The following MYO15A variants were observed in gnomAD, a reference collection of about 807,000 sequenced individuals.
The protein encoded by MYO15A is myosin XVA.
Under a neutral mutation model 394.6 loss-of-function variants are expected in MYO15A, and 308 were observed. The ratio of observed to expected loss-of-function variants is 0.78; its 90% confidence interval spans 0.71 to 0.86. MYO15A has a LOEUF of 0.86. Among genes scored for constraint, MYO15A ranks in the 40% least tolerant of loss-of-function variants. The pLI is 0.00. For missense variants in MYO15A, 4,606 were observed against 4,799.1 expected, an observed-to-expected ratio of 0.96 and a Z score of 1.19; for synonymous variants, 1,957 against 2,003.8, an observed-to-expected ratio of 0.98 and a Z score of 0.62.
chr17:18,138,213 G>T lies in MYO15A; in HGVS notation c.4974G>T (p.Leu1658=). ...NLISLKPYGI[L]RILDDQCCFP... is the part of the protein sequence containing the mutation. Reference sequence around the variant, plus strand: ...TCTCACTGAAGCCTTATGGCATCCTGCGGATCCTTGACGACCAGTGTTGCT... The same window carrying T: ...TCTCACTGAAGCCTTATGGCATCCTTCGGATCCTTGACGACCAGTGTTGCT... The change falls in exon 17 of 66, where the codon CTG becomes CTT. Residue 1658 remains leucine (L), a synonymous_variant. Coordinates refer to ENST00000647165, the MANE Select transcript of MYO15A (RefSeq NM_016239.4). 6.2e-7 allele frequency: 1 copy of T among 1,613,548 alleles called. No homozygotes were observed. Among genetic ancestry groups the T allele is most frequent in the South Asian group, 1.1e-5 (1 of 91,078 alleles).
chr17:18,155,327 C>G lies in MYO15A; in HGVS notation c.8354C>G (p.Thr2785Ser), dbSNP rs774679988. ...TCTCTGCCCCAGGGCAGCGTGGGCA[C>G]TGGTGTGCAGCTCCTAGCTGTGTCC... Reference protein sequence around the residue: ...RIFPATGSVGTGVQLLAVSHV... With the variant: ...RIFPATGSVGSGVQLLAVSHV... Residue 2785 changes from threonine (T) to serine (S), a missense_variant, in exon 47 of 66, where the codon ACT (threonine) becomes AGT (serine). By Grantham distance (58) the Thr-to-Ser change is moderately conservative (BLOSUM62 1). This residue lies in a region of MYO15A where 2,776 missense variants were observed against 3,109.3 expected (regional missense o/e 0.89). Transcript: ENST00000647165. The G allele has an allele frequency of 1.8e-5, 29 of 1,613,826 alleles. No homozygotes were observed. Among genetic ancestry groups the G allele is most frequent in the Middle Eastern group, 3.3e-4 (2 of 6,062 alleles).
Position 18,151,858 on chromosome 17 carries a change from GA to G in MYO15A, c.7803del (p.Val2602CysfsTer3). The G allele has an allele frequency of 1.3e-6, 2 of 1,577,010 alleles. No individual in the cohort carries two copies. Among genetic ancestry groups the G allele is most frequent in the Non-Finnish European group, 1.7e-6 (2 of 1,161,352 alleles). ...RPEALRKDGG[K>X]VFMKRPDPHE... ...CCAATGCCCACAGGAAGGATGGCGG[GA>G]AAGTGTTCATGAAGCGGCCAGACCC... On this transcript the variant is annotated frameshift_variant, in exon 41 of 66. Coordinates refer to ENST00000647165, the MANE Select transcript of MYO15A (RefSeq NM_016239.4). LOFTEE classifies it high-confidence loss of function.
At chr17:18,163,969 T>C (rs1046990173) in intron 60 of MYO15A, 131 bp downstream of exon 60, 3 of 863,436 alleles carry the variant, frequency 3.5e-6, no homozygotes, top group Middle Eastern at 5.5e-4. Flanking sequence ...TTGACCCCCA[T>C]GTGGAAGGAT....
intron 7 of MYO15A, among the ~76,000 whole-genome samples, chr17:18,129,322 A>G (rs1203195306): frequency 6.6e-6 from 1 of 152,182 alleles, no homozygotes; most frequent in Non-Finnish European, 1.5e-5. Flanking sequence ...TATGCTGGGC[A>G]CCGGGAACAG....
Position 18,121,554 on chromosome 17 carries a change from G to A in MYO15A, c.2754G>A (p.Thr918=), listed in dbSNP as rs778648293. ...CGCGAGAACCCGAGGACTCAGAGACGCCCTGGACTGTGCCCCCACTGGCCC... is the reference window on the plus strand; with the variant it reads ...CGCGAGAACCCGAGGACTCAGAGACACCCTGGACTGTGCCCCCACTGGCCC... ...ESPREPEDSE[T]PWTVPPLAPS... The change falls in exon 2 of 66, where the codon ACG becomes ACA. Residue 918 remains threonine, a synonymous_variant. Coordinates refer to ENST00000647165, the MANE Select transcript of MYO15A (RefSeq NM_016239.4). The surrounding 1 kb of genome is among the most constrained non-coding windows in gnomAD (Gnocchi z 5.3). The A allele has an allele frequency of 3.3e-5, 53 of 1,585,670 alleles. No homozygotes were observed. The highest frequency in any genetic ancestry group is 4.4e-5 in the Non-Finnish European group (51 of 1,166,680).
At position 18,155,320 on chromosome 17, in the gene MYO15A, G is replaced by T; in HGVS notation, c.8347G>T (p.Val2783Leu). 1 of 1,613,768 alleles carries T rather than the reference G, an allele frequency of 6.2e-7. No individual in the cohort carries two copies. Residue 2783 changes from valine to leucine, a missense_variant, in exon 47 of 66, where the codon GTG becomes TTG. Transcript: ENST00000647165. Reference protein sequence around the residue: ...FSRIFPATGSVGTGVQLLAVS... With the variant: ...FSRIFPATGSLGTGVQLLAVS... ...CCCTTCATCTCTGCCCCAGGGCAGC[G>T]TGGGCACTGGTGTGCAGCTCCTAGC... is the stretch of plus-strand genomic sequence containing the variant.
At position 18,137,642 on chromosome 17, in the gene MYO15A, A is replaced by G; in HGVS notation, c.4838A>G (p.Gln1613Arg). Residue 1613 changes from glutamine (Q) to arginine (R), a missense_variant, in exon 16 of 66, where the codon CAG (glutamine) becomes CGG (arginine). By Grantham distance (43) the Gln-to-Arg change is conservative. Coordinates refer to ENST00000647165, the MANE Select transcript of MYO15A (RefSeq NM_016239.4). ...ATTAACTACGCAAACGAGAACCTTC[A>G]GTACCTTTTCAACAAGATCGTCTTC... ...LCINYANENL[Q>R]YLFNKIVFQE... 1 of 1,614,236 alleles carries G rather than the reference A, an allele frequency of 6.2e-7. No individual in the cohort carries two copies. The highest frequency in any genetic ancestry group is 8.5e-7 in the Non-Finnish European group (1 of 1,180,044).
At chr17:18,156,614 G>A (rs955973857) in intron 48 of MYO15A, among the ~76,000 whole-genome samples, 1 of 152,214 alleles carries the variant, frequency 6.6e-6, no homozygotes, top group Non-Finnish European at 1.5e-5. Flanking sequence ...CCCGCCCACT[G>A]CATCACAATC....
At position 18,126,726 on chromosome 17, in the gene MYO15A, G is replaced by A. The variant is rs916396699; in HGVS notation, c.3867-65G>A. The A allele has an allele frequency of 1.6e-3, 2,505 of 1,549,878 alleles. 2 individuals are homozygous for A. Among genetic ancestry groups the A allele is most frequent in the Non-Finnish European group, 2.1e-3 (2,324 of 1,122,114 alleles). On this transcript the variant is annotated intron_variant, in intron 5 of 65. Transcript: ENST00000647165. Reference sequence around the variant, plus strand: ...GTTTGGCTGGATACGGATGCTCCCTGCCCAATCCCTGGGAGGTGTGGGAGC... The same window carrying A: ...GTTTGGCTGGATACGGATGCTCCCTACCCAATCCCTGGGAGGTGTGGGAGC...
chr17:18,145,441 C>T (rs916639606), intron 29 of MYO15A, among the ~76,000 whole-genome samples: 26 of 152,126 alleles, frequency 1.7e-4, no homozygotes, highest in Non-Finnish European at 5.9e-5. Flanking sequence ...AGGCCAAGCA[C>T]GGTGGCGCAC....
Position 18,149,254 on chromosome 17 carries a change from C to T in MYO15A, c.6995C>T (p.Ser2332Phe). The change falls in exon 34 of 66, where the codon TCC (serine) becomes TTC (phenylalanine). Residue 2332 changes from serine (S) to phenylalanine (F), a missense_variant. This residue lies in a region of MYO15A where 2,776 missense variants were observed against 3,109.3 expected (regional missense o/e 0.89). Transcript: ENST00000647165. ...AGCTGGGACTCGGATGAGGACATGT[C>T]CACTAGACCCCAGCCCCAGGAGCAC... ...GNSWDSDEDM[S>F]TRPQPQEHMP... The T allele has an allele frequency of 6.2e-7, 1 of 1,614,008 alleles. No individual in the cohort carries two copies. The highest frequency in any genetic ancestry group is 1.1e-5 in the South Asian group (1 of 91,068).
At chr17:18,163,878 A>G (rs759444404) in intron 60 of MYO15A, 40 bp downstream of exon 60, 4 of 1,592,838 alleles carry the variant, frequency 2.5e-6, no homozygotes, top group Non-Finnish European at 2.6e-6. Flanking sequence ...GCCCATTCCC[A>G]TCCCCGGGCC....
Position 18,119,987 on chromosome 17 carries a change from A to G in MYO15A, c.1187A>G (p.Glu396Gly). 1.2e-6 allele frequency: 2 copies of G among 1,613,600 alleles called. No individual in the cohort carries two copies. The highest frequency in any genetic ancestry group is 1.7e-6 in the Non-Finnish European group (2 of 1,179,992). Reference protein sequence around the residue: ...GGGDEAIYPPEVPYFYPEESA... With the variant: ...GGGDEAIYPPGVPYFYPEESA... ...GGGGACGAGGCCATCTACCCCCCCG[A>G]GGTGCCCTATTTTTACCCGGAGGAG... is the stretch of plus-strand genomic sequence containing the variant. Residue 396 changes from glutamate to glycine, a missense_variant, in exon 2 of 66, where the codon GAG becomes GGG. Physicochemically the swap from Glu to Gly is moderately conservative, Grantham distance 98. This residue lies in a region of MYO15A where 1,830 missense variants were observed against 1,689.7 expected (regional missense o/e 1.08). Transcript: ENST00000647165.
In MYO15A at chr17:18,137,668, C is replaced by T; in HGVS notation, c.4864C>T (p.Gln1622Ter). ...LQYLFNKIVFQEEQEEYIREQ... is the reference protein window; with the variant it reads ...LQYLFNKIVF ...GTACCTTTTCAACAAGATCGTCTTC[C>T]AGGAGGAGCAGGTGTGTGGGCCCCA... Residue 1622 changes from glutamine to a stop codon, truncating the protein, a stop_gained, in exon 16 of 66, where the codon CAG becomes TAG. Coordinates refer to ENST00000647165, the MANE Select transcript of MYO15A (RefSeq NM_016239.4). LOFTEE classifies it high-confidence loss of function. 1 of 1,614,088 alleles carries T rather than the reference C, an allele frequency of 6.2e-7. No individual in the cohort carries two copies. The highest frequency in any genetic ancestry group is 8.5e-7 in the Non-Finnish European group (1 of 1,180,002).
In MYO15A at chr17:18,142,820, A is replaced by T; in HGVS notation, c.5890A>T (p.Ser1964Cys). Residue 1964 changes from serine to cysteine, a missense_variant, in exon 25 of 66, where the codon AGC becomes TGC. By Grantham distance (112) the Ser-to-Cys change is moderately radical. Around this residue, in one of 2 missense-constraint regions of MYO15A, gnomAD observed 2,776 missense variants for 3,109.3 expected, o/e 0.89. Transcript: ENST00000647165. ...CCGGTCCCTGGTACACGCATACGTGAGCCGCCGACGCTATCTCAAGGTATA... is the reference window on the plus strand; with the variant it reads ...CCGGTCCCTGGTACACGCATACGTGTGCCGCCGACGCTATCTCAAGGTATA... ...KFRSLVHAYV[S>C]RRRYLKLRAE... 1 of 1,612,966 alleles carries T rather than the reference A, an allele frequency of 6.2e-7. No homozygotes were observed. Among genetic ancestry groups the T allele is most frequent in the South Asian group, 1.1e-5 (1 of 90,826 alleles).
Position 18,151,156 on chromosome 17 carries a change from C to G in MYO15A, c.7520C>G (p.Pro2507Arg), listed in dbSNP as rs761551085. ...CAGCCGACGTCTGTAGGCACCGGTCCCCCTGCCAAACCCGTGCTCCTGCGT... is the reference window on the plus strand; with the variant it reads ...CAGCCGACGTCTGTAGGCACCGGTCGCCCTGCCAAACCCGTGCTCCTGCGT... ...EAQPTSVGTG[P>R]PAKPVLLRAT... The change falls in exon 39 of 66, where the codon CCC (proline) becomes CGC (arginine). Residue 2507 changes from proline to arginine, a missense_variant. Pro to Arg is a moderately radical substitution (Grantham distance 103). This residue lies in a region of MYO15A where 2,776 missense variants were observed against 3,109.3 expected (regional missense o/e 0.89). Coordinates refer to ENST00000647165, the MANE Select transcript of MYO15A (RefSeq NM_016239.4). 6.2e-7 allele frequency: 1 copy of G among 1,614,030 alleles called. No individual in the cohort carries two copies. The highest frequency in any genetic ancestry group is 1.1e-5 in the South Asian group (1 of 91,080).
intron 62 of MYO15A, among the ~76,000 whole-genome samples, chr17:18,170,788 CA>C (rs1224722707): frequency 6.6e-6 from 1 of 152,244 alleles, no homozygotes; most frequent in East Asian, 1.9e-4. Context: ...AGGGACTCTG[CA>C]TCTGCATTAT....
intron 65 of MYO15A, among the ~76,000 whole-genome samples, chr17:18,176,265 C>T (rs746684008): frequency 6.6e-6 from 1 of 152,122 alleles, no homozygotes; most frequent in Non-Finnish European, 1.5e-5. Context: ...AAGCGTGGCA[C>T]CAGCATCTGC....
At position 18,119,509 on chromosome 17, in the gene MYO15A, G is replaced by A. The variant is rs201737186; in HGVS notation, c.709G>A (p.Asp237Asn). 301 of 1,611,984 alleles carry A rather than the reference G, an allele frequency of 1.9e-4. No homozygotes were observed. The African/African-American group carries it at 3.5e-3, about 19-fold the overall frequency. The change falls in exon 2 of 66, where the codon GAC becomes AAC. Residue 237 changes from aspartate (D) to asparagine (N), a missense_variant. Coordinates refer to ENST00000647165, the MANE Select transcript of MYO15A (RefSeq NM_016239.4). Reference sequence around the variant, plus strand: ...CTTCCAGGACCTGGGCGAGTATTATGACTATCACCGCGACGGCGACGACTA... The same window carrying A: ...CTTCCAGGACCTGGGCGAGTATTATAACTATCACCGCGACGGCGACGACTA... Reference protein sequence around the residue: ...EGFQDLGEYYDYHRDGDDYYD... With the variant: ...EGFQDLGEYYNYHRDGDDYYD...
Sources: gnomAD v4.1 joint callset for allele counts (sites outside exome capture counted in the v4.1 genomes callset) on GRCh38, gnomAD v4.1.1 for gene constraint, gnomAD v4.1.1 regional missense constraint, Gnocchi (gnomAD v3.1) non-coding constraint, MANE v1.5 for transcripts, NCBI Gene and HGNC (gene_info 2026-07-23, HGNC 2026-07-21) for gene names.